The following HDDC2 variants were observed in gnomAD, a reference collection of about 807,000 sequenced individuals.
HDDC2 encodes the protein HD domain containing 2.
Under a neutral mutation model 25.5 loss-of-function variants are expected in HDDC2, and 25 were observed. The ratio of observed to expected loss-of-function variants is 0.98; its 90% confidence interval spans 0.72 to 1.37. The LOEUF (loss-of-function observed/expected upper bound fraction) is 1.37, where lower values mean the gene tolerates loss of function less well. Ranked by LOEUF, HDDC2 falls within the 40% of genes most tolerant of loss-of-function variation. The pLI, the probability that HDDC2 is intolerant of heterozygous loss-of-function variation, is 0.00. For missense variants in HDDC2, 264 were observed against 253.1 expected (o/e 1.04, Z -0.29); for synonymous variants, 106 against 89.7 (o/e 1.18, Z -1.03).
At chr6:125,276,915 A>C (rs1344697897) in intron 5 of HDDC2, 187 bp downstream of exon 5, 1 of 600,994 alleles carries the variant, frequency 1.7e-6, no homozygotes, top group African/African-American at 1.9e-5. Context: ...TTCCACATTA[A>C]ACTCTATTCC....
intron 4 of HDDC2, among the ~76,000 whole-genome samples, chr6:125,280,694 G>A (rs900782107): frequency 6.6e-6 from 1 of 152,248 alleles, no homozygotes; most frequent in African/African-American, 2.4e-5. Context: ...GAGCATCTCT[G>A]AAAGAAAGGC....
intron 3 of HDDC2, among the ~76,000 whole-genome samples, chr6:125,294,127 A>G (rs1798670538): frequency 6.6e-6 from 1 of 152,190 alleles, no homozygotes; most frequent in Non-Finnish European, 1.5e-5. Context: ...CCTTTTAATC[A>G]GCCTCAGTTC....
intron 2 of HDDC2, 61 bp from the exon 3 acceptor site, chr6:125,298,877 C>G: frequency 9.2e-7 from 1 of 1,090,612 alleles, no homozygotes; most frequent in Non-Finnish European, 1.4e-6. Flanking sequence ...AGTTCCTTCT[C>G]TATACTCTTC....
At chr6:125,284,977 T>C (rs1039490585) in intron 4 of HDDC2, among the ~76,000 whole-genome samples, 3 of 152,162 alleles carry the variant, frequency 2.0e-5, no homozygotes, top group African/African-American at 4.8e-5. Context: ...TGGAATACTA[T>C]GAACGCATAA....
intron 4 of HDDC2, among the ~76,000 whole-genome samples, chr6:125,290,990 T>C (rs1363546957): frequency 6.6e-6 from 1 of 152,206 alleles, no homozygotes; most frequent in African/African-American, 2.4e-5. Flanking sequence ...AATAGATAAC[T>C]GCCACCATGT....
intron 4 of HDDC2, among the ~76,000 whole-genome samples, chr6:125,281,428 T>C (rs1421772032): frequency 1.3e-5 from 2 of 152,184 alleles, no homozygotes; most frequent in African/African-American, 4.8e-5. Flanking sequence ...ATGAGCATGT[T>C]CTAACCCAAT....
chr6:125,298,939 T>C, intron 2 of HDDC2, 123 bp from the exon 3 acceptor site: 2 of 607,520 alleles, frequency 3.3e-6, no homozygotes, highest in Non-Finnish European at 5.6e-6. Flanking sequence ...AGTATTTTAA[T>C]GTAGTATTTT....
intron 4 of HDDC2, among the ~76,000 whole-genome samples, chr6:125,284,242 C>T (rs1174519286): frequency 2.0e-5 from 3 of 152,216 alleles, no homozygotes; most frequent in African/African-American, 7.2e-5. Context: ...CCATTCAGGA[C>T]ATAAGCATAG....
At chr6:125,285,176 CAAGGGGAGGG>C (rs2115105634) in intron 4 of HDDC2, among the ~76,000 whole-genome samples, 1 of 64,558 alleles carries the variant, frequency 1.5e-5, no homozygotes, top group African/African-American at 6.3e-5. Flanking sequence ...GGGTGGGGGG[CAAGGGGAGGG>C]ATAGCATTAG....
chr6:125,277,373 G>GGGGCC lies in HDDC2; in HGVS notation c.379-134_379-133insGGCCC. On this transcript the variant is annotated intron_variant, in intron 4 of 5. Transcript: ENST00000398153. ...TCTGTATCGGCCCCATTTCTCTACT[G>GGGGCC]TTTAGAAATCCATCAGAGACACTTC... 4 of 784,634 alleles carry GGGGCC rather than the reference G, an allele frequency of 5.1e-6. No homozygotes were observed. In the South Asian group the frequency reaches 7.3e-5, roughly 14 times the overall value. The allele number at this position is 784,634 out of a possible 1,614,324, so 48.6% of individuals were successfully genotyped here. A position where few individuals can be genotyped will look rare whatever the true frequency, so the allele number is the denominator to read the frequency against.
At chr6:125,289,510 C>CAAAAAAAAAAAAAA (rs1325871427) in intron 4 of HDDC2, among the ~76,000 whole-genome samples, 3 of 129,374 alleles carry the variant, frequency 2.3e-5, no homozygotes, top group East Asian at 2.3e-4. Context: ...AAAAACAAAA[C>CAAAAAAAAAAAAAA]AAAACAAAAA....
chr6:125,279,799 A>G (rs1798430043), intron 4 of HDDC2, among the ~76,000 whole-genome samples: 1 of 152,266 alleles, frequency 6.6e-6, no homozygotes, highest in South Asian at 2.1e-4. Context: ...TAAGATAAAA[A>G]GAATAAGAAG....
At chr6:125,291,269 C>T (rs1232969614) in intron 4 of HDDC2, among the ~76,000 whole-genome samples, 1 of 152,152 alleles carries the variant, frequency 6.6e-6, no homozygotes, top group Non-Finnish European at 1.5e-5. Flanking sequence ...AGGCTCCAAG[C>T]TAGATACTAC....
chr6:125,291,951 C>T (rs939683995), intron 4 of HDDC2, among the ~76,000 whole-genome samples: 1 of 152,120 alleles, frequency 6.6e-6, no homozygotes, highest in Non-Finnish European at 1.5e-5. Context: ...CAAGGGACAA[C>T]CTGACCCAGC....
At chr6:125,292,162 A>G (rs983877246) in intron 4 of HDDC2, among the ~76,000 whole-genome samples, 1 of 152,202 alleles carries the variant, frequency 6.6e-6, no homozygotes, top group African/African-American at 2.4e-5. Flanking sequence ...GGCTCAAGCA[A>G]GGAAGGGCCA....
intron 3 of HDDC2, among the ~76,000 whole-genome samples, chr6:125,295,035 A>G (rs1490508634): frequency 3.3e-5 from 5 of 152,230 alleles, no homozygotes; most frequent in Non-Finnish European, 7.3e-5. Context: ...TAGAGAGTTA[A>G]TATTCTTTGT....
chr6:125,285,868 C>A (rs1798526857), intron 4 of HDDC2, among the ~76,000 whole-genome samples: 1 of 152,178 alleles, frequency 6.6e-6, no homozygotes, highest in Non-Finnish European at 1.5e-5. Context: ...GTTCAGTCAA[C>A]TGGAGATACA....
intron 2 of HDDC2, among the ~76,000 whole-genome samples, 182 bp from the exon 3 acceptor site, chr6:125,298,998 TTA>T (rs1798753571): frequency 6.6e-6 from 1 of 152,200 alleles, no homozygotes; most frequent in African/African-American, 2.4e-5. Flanking sequence ...ATCAAAACTG[TTA>T]GTTCATATTC....
chr6:125,287,127 G>T (rs1272078918), intron 4 of HDDC2, among the ~76,000 whole-genome samples: 1 of 152,124 alleles, frequency 6.6e-6, no homozygotes, highest in African/African-American at 2.4e-5. Context: ...AGGTCAAATG[G>T]TCTGGATTCA....
Sources: allele counts gnomAD v4.1 joint callset (sites outside exome capture counted in the v4.1 genomes callset), GRCh38; gene constraint gnomAD v4.1.1; transcripts MANE v1.5; gene names NCBI Gene and HGNC (gene_info 2026-07-23, HGNC 2026-07-21).